C8orf34: variants seen among roughly 807,000 people sequenced by gnomAD.
C8orf34 encodes uncharacterized protein C8orf34.
In C8orf34, 65 loss-of-function variants were observed where a neutral mutation model predicts 68.3. The observed-to-expected ratio is 0.95, with a 90% CI of 0.78 to 1.17. The LOEUF is 1.17. Ranked by LOEUF, C8orf34 falls within the 50% of genes most tolerant of loss-of-function variation. C8orf34 has a pLI of 0.00. For missense variants in C8orf34, 664 were observed against 655.4 expected (o/e 1.01, Z -0.14); for synonymous variants, 244 against 241.2 (o/e 1.01, Z -0.11).
At chr8:68,717,094 T>A (rs1288069837) in intron 9 of C8orf34, among the ~76,000 whole-genome samples, 2 of 152,008 alleles carry the variant, frequency 1.3e-5, no homozygotes, top group African/African-American at 4.8e-5. Flanking sequence ...GCAGCCAAAC[T>A]GAAATGGCAG....
chr8:68,550,302 T>C (rs1307828271), intron 7 of C8orf34, among the ~76,000 whole-genome samples: 1 of 151,786 alleles, frequency 6.6e-6, no homozygotes, highest in East Asian at 1.9e-4. Context: ...TATATATATT[T>C]ATAGCTATTC....
intron 1 of C8orf34, chr8:68,437,917 A>T (rs1810732387): frequency 6.6e-6 from 1 of 152,198 alleles, no homozygotes. Flanking sequence ...TCCTCTGCCC[A>T]GGTAAAGCCA....
intron 7 of C8orf34, among the ~76,000 whole-genome samples, chr8:68,548,071 A>T (rs1004140324): frequency 1.2e-4 from 18 of 151,824 alleles, no homozygotes; most frequent in African/African-American, 3.9e-4. Context: ...CCCAAACATA[A>T]AAGCAGAGAC....
chr8:68,463,598 C>G (rs2129629302), intron 3 of C8orf34, among the ~76,000 whole-genome samples: 1 of 152,320 alleles, frequency 6.6e-6, no homozygotes, highest in South Asian at 2.1e-4. Flanking sequence ...CCACCATGAT[C>G]AACTGGGCTT....
At chr8:68,336,591 G>C (rs900194528) in intron 1 of C8orf34, among the ~76,000 whole-genome samples, 2 of 152,152 alleles carry the variant, frequency 1.3e-5, no homozygotes, top group East Asian at 3.9e-4. Context: ...ATATAGATTT[G>C]TATGTATTTA....
At chr8:68,574,981 G>A (rs557999193) in intron 7 of C8orf34, among the ~76,000 whole-genome samples, 2 of 151,706 alleles carry the variant, frequency 1.3e-5, no homozygotes, top group African/African-American at 4.8e-5. Context: ...ATTCCTTTTT[G>A]TATATGTACA....
At chr8:68,557,460 A>G (rs142168013) in intron 7 of C8orf34, among the ~76,000 whole-genome samples, 430 of 152,340 alleles carry the variant, frequency 2.8e-3, no homozygotes, top group African/African-American at 9.3e-3. Flanking sequence ...TGTTTATTAG[A>G]CAATAATGAG....
intron 11 of C8orf34, among the ~76,000 whole-genome samples, chr8:68,783,231 C>A (rs932552541): frequency 6.6e-6 from 1 of 152,148 alleles, no homozygotes; most frequent in African/African-American, 2.4e-5. Flanking sequence ...CAAAGCCATG[C>A]TGCTGCTCAC....
At chr8:68,730,194 T>C (rs2129526825) in intron 10 of C8orf34, among the ~76,000 whole-genome samples, 1 of 152,296 alleles carries the variant, frequency 6.6e-6, no homozygotes, top group South Asian at 2.1e-4. Flanking sequence ...ATAGAAGTAA[T>C]AAATTATGAT....
intron 10 of C8orf34, among the ~76,000 whole-genome samples, chr8:68,740,079 C>T (rs934167942): frequency 3.3e-5 from 5 of 152,128 alleles, no homozygotes; most frequent in African/African-American, 1.2e-4. Flanking sequence ...GGATCCTTTC[C>T]TTATACCATC....
At chr8:68,516,840 C>T (rs903336141) in intron 5 of C8orf34, among the ~76,000 whole-genome samples, 17 of 151,954 alleles carry the variant, frequency 1.1e-4, no homozygotes, top group African/African-American at 3.6e-4. Context: ...TGGGGTTTCA[C>T]AATGTTGGTC....
At chr8:68,799,482 G>A (rs1040720209) in intron 12 of C8orf34, among the ~76,000 whole-genome samples, 2 of 152,092 alleles carry the variant, frequency 1.3e-5, no homozygotes, top group African/African-American at 4.8e-5. Context: ...GGTGTTTCAT[G>A]ATTTTCTTTG....
chr8:68,535,207 G>A, intron 7 of C8orf34: 4 of 981,752 alleles, frequency 4.1e-6, no homozygotes, highest in Non-Finnish European at 4.8e-6. Flanking sequence ...TAAGTTCTTG[G>A]AAATTTATGT....
rs1176243272 is a variant in C8orf34 at position 68,818,269 on chromosome 8, T to G, written c.*23T>G. 6.2e-7 allele frequency: 1 copy of G among 1,611,572 alleles called. No homozygotes were observed. The highest frequency in any genetic ancestry group is 8.5e-7 in the Non-Finnish European group (1 of 1,178,428). ...TGAAACAGAGAGAAGAAGTTGCAAG[T>G]GGTCCTTAAAGAAATGCAGTTATTC... is the stretch of plus-strand genomic sequence containing the variant. On this transcript the variant is annotated 3_prime_UTR_variant, in exon 14 of 14. Coordinates refer to ENST00000518698, the MANE Select transcript of C8orf34 (RefSeq NM_052958.4).
intron 8 of C8orf34, among the ~76,000 whole-genome samples, chr8:68,684,578 T>G (rs1820457919): frequency 6.6e-6 from 1 of 152,154 alleles, no homozygotes; most frequent in Admixed American, 6.6e-5. Flanking sequence ...AATGAATAAT[T>G]TGTGCCACAT....
intron 1 of C8orf34, among the ~76,000 whole-genome samples, chr8:68,426,530 A>G (rs943915022): frequency 7.3e-5 from 11 of 150,612 alleles, no homozygotes; most frequent in Non-Finnish European, 1.2e-4. Context: ...AAAAAAAAAA[A>G]AAAAAAAAAA....
chr8:68,624,737 A>C (rs989096983), intron 7 of C8orf34, among the ~76,000 whole-genome samples: 3 of 151,984 alleles, frequency 2.0e-5, no homozygotes, highest in African/African-American at 7.3e-5. Context: ...CTGGGAATTT[A>C]TTTATTTATT....
intron 8 of C8orf34, among the ~76,000 whole-genome samples, chr8:68,659,550 A>G (rs186828794): frequency 6.6e-6 from 1 of 152,274 alleles, no homozygotes; most frequent in East Asian, 1.9e-4. Flanking sequence ...CAAATTCTGG[A>G]GAAGCCAGGC....
Position 68,799,920 on chromosome 8 carries a change from G to T in C8orf34, c.1549+12384G>T, listed in dbSNP as rs28731200. 2.0e-4 allele frequency among the ~76,000 whole-genome samples: 31 copies of T among 152,234 alleles called. No homozygotes were observed. The South Asian group carries it at 4.4e-3, about 21-fold the overall frequency. ...TTGAAGGGCAGGGATGGACAAGAAGGTCATATAGGCAAGAACCACAGCATG... is the reference window on the plus strand; with the variant it reads ...TTGAAGGGCAGGGATGGACAAGAAGTTCATATAGGCAAGAACCACAGCATG... On this transcript the variant is annotated intron_variant, in intron 12 of 13. Coordinates refer to ENST00000518698, the MANE Select transcript of C8orf34 (RefSeq NM_052958.4).
Sources: allele counts gnomAD v4.1 joint callset (sites outside exome capture counted in the v4.1 genomes callset), GRCh38; gene constraint gnomAD v4.1.1; transcripts MANE v1.5; gene names NCBI Gene and HGNC (gene_info 2026-07-23, HGNC 2026-07-21).